The following MYO10 variants were observed in gnomAD, a reference collection of about 807,000 sequenced individuals.
MYO10 encodes the protein unconventional myosin-X.
A neutral mutation model predicts 257.3 loss-of-function variants in MYO10; 133 were observed. That is an observed-to-expected ratio of 0.52 (90% CI 0.45 to 0.60). The LOEUF is 0.60. Ranked by LOEUF, MYO10 falls within the 20% of genes least tolerant of loss-of-function variation. The probability of loss-of-function intolerance (pLI) is 0.00; values close to 1 mark genes in which losing one functional copy is unlikely to be tolerated. For synonymous variants in MYO10, 1,104 were observed against 1,028.6 expected (o/e 1.07, Z -1.40); for missense variants, 2,399 against 2,635.7 (o/e 0.91, Z 1.97).
chr5:16,832,758 C>T (rs1056290082), intron 2 of MYO10, among the ~76,000 whole-genome samples: 1 of 152,198 alleles, frequency 6.6e-6, no homozygotes, highest in African/African-American at 2.4e-5. Flanking sequence ...ATTCCTACGA[C>T]TCCAAAACAC....
Position 16,702,603 on chromosome 5 carries a change from G to A in MYO10, c.2511-15C>T. On this transcript the variant is annotated splice_polypyrimidine_tract_variant and intron_variant, in intron 23 of 40. Coordinates refer to ENST00000513610, the MANE Select transcript of MYO10 (RefSeq NM_012334.3). The stretch of plus-strand genomic sequence containing the variant: ...TCTCTCTTTCTCTAAAAATAGTAAA[G>A]GAAAAGTGAAAATCAACAACAATAA... 2 of 1,569,108 alleles carry A rather than the reference G, an allele frequency of 1.3e-6. No homozygotes were observed. Among genetic ancestry groups the A allele is most frequent in the East Asian group, 2.3e-5 (1 of 42,870 alleles).
chr5:16,724,809 A>T (rs1380342341), intron 19 of MYO10, among the ~76,000 whole-genome samples: 1 of 152,204 alleles, frequency 6.6e-6, no homozygotes, highest in Admixed American at 6.5e-5. Context: ...ACATACATAT[A>T]CAAAAAAGCA....
rs2126649614 is a variant in MYO10 at position 16,761,528 on chromosome 5, C to T, written c.1675G>A (p.Gly559Ser). The change falls in exon 17 of 41, where the codon GGT (glycine) becomes AGT (serine). Residue 559 changes from glycine (G) to serine (S), a missense_variant. Transcript: ENST00000513610. ...YAGEVQYDVRGILEKNRDTFR... is the reference protein window; with the variant it reads ...YAGEVQYDVRSILEKNRDTFR... ...GTATCTCTGTTCTTCTCCAAGATAC[C>T]TCGGACATCATATTGCACCTAGTTT... 1 of 1,612,462 alleles carries T rather than the reference C, an allele frequency of 6.2e-7. No individual in the cohort carries two copies. The highest frequency in any genetic ancestry group is 2.2e-5 in the East Asian group (1 of 44,794).
chr5:16,827,985 G>C (rs1368651314), intron 2 of MYO10, among the ~76,000 whole-genome samples: 1 of 152,218 alleles, frequency 6.6e-6, no homozygotes, highest in African/African-American at 2.4e-5. Flanking sequence ...ATGCGTGGTA[G>C]AGTCAGACCT....
At chr5:16,935,650 TGG>T in intron 1 of MYO10, 136 bp downstream of exon 1, 1 of 923,356 alleles carries the variant, frequency 1.1e-6, no homozygotes, top group Non-Finnish European at 1.7e-6. Context: ...CGCGGGGGGA[TGG>T]GGGGTGATTT....
At chr5:16,756,197 T>C (rs1157641877) in intron 18 of MYO10, among the ~76,000 whole-genome samples, 1 of 152,086 alleles carries the variant, frequency 6.6e-6, no homozygotes, top group Admixed American at 6.6e-5. Flanking sequence ...CTCAGCCTCC[T>C]GAGTAGCTGG....
In MYO10 at chr5:16,764,407, G is replaced by A. The variant is rs1395547815; in HGVS notation, c.1180-11C>T. The A allele has an allele frequency of 1.2e-6, 2 of 1,613,572 alleles. No individual in the cohort carries two copies. Among genetic ancestry groups the A allele is most frequent in the Non-Finnish European group, 1.7e-6 (2 of 1,179,734 alleles). On this transcript the variant is annotated splice_polypyrimidine_tract_variant and intron_variant, in intron 11 of 40. Transcript: ENST00000513610. Reference sequence around the variant, plus strand: ...CCTGCTGTCTACTGCCTGTGGGAGAGAAACCAGCACAGACTCAGCTGACCC... The same window carrying A: ...CCTGCTGTCTACTGCCTGTGGGAGAAAAACCAGCACAGACTCAGCTGACCC...
At chr5:16,851,619 T>C (rs562350594) in intron 2 of MYO10, among the ~76,000 whole-genome samples, 1 of 152,196 alleles carries the variant, frequency 6.6e-6, no homozygotes, top group Non-Finnish European at 1.5e-5. Flanking sequence ...CTTTTGAGGA[T>C]GAAGGATGTG....
At chr5:16,762,697 C>G (rs1014235237) in intron 14 of MYO10, 60 bp from the exon 15 acceptor site, 11 of 1,281,760 alleles carry the variant, frequency 8.6e-6, no homozygotes, top group Non-Finnish European at 1.2e-5. Flanking sequence ...GCATGGGTAG[C>G]TCATGCCTGT....
At chr5:16,812,725 C>T (rs991799426) in intron 3 of MYO10, among the ~76,000 whole-genome samples, 1 of 152,124 alleles carries the variant, frequency 6.6e-6, no homozygotes, top group Non-Finnish European at 1.5e-5. Flanking sequence ...GACAAAGGTA[C>T]AAAGGTTAAA....
chr5:16,713,393 G>A (rs1033324322), intron 19 of MYO10: 4 of 985,676 alleles, frequency 4.1e-6, no homozygotes, highest in Non-Finnish European at 4.8e-6. Flanking sequence ...AAATTCATAT[G>A]GAAAACAACT....
chr5:16,742,081 A>T (rs913410219), intron 19 of MYO10: 54 of 985,428 alleles, frequency 5.5e-5, no homozygotes, highest in Admixed American at 2.5e-4. Flanking sequence ...GCATCAACAA[A>T]TGTGTAATTA....
At position 16,670,782 on chromosome 5, in the gene MYO10, C is replaced by T. The variant is rs759179333; in HGVS notation, c.5627G>A (p.Arg1876Gln). The T allele has an allele frequency of 3.5e-5, 57 of 1,613,896 alleles. No homozygotes were observed. Among genetic ancestry groups the T allele is most frequent in the South Asian group, 6.6e-5 (6 of 91,086 alleles). ...QSTKTFTPCE[R>Q]LEKRRTSFLE... ...GAAGCTCGTCCGCCTCTTCTCCAGC[C>T]GTTCACAAGGGGTGAAGGTTTTGGT... Residue 1876 changes from arginine (R) to glutamine (Q), a missense_variant, in exon 39 of 41, where the codon CGG (arginine) becomes CAG (glutamine). Arg to Gln is a conservative substitution (Grantham distance 43, BLOSUM62 1). Coordinates refer to ENST00000513610, the MANE Select transcript of MYO10 (RefSeq NM_012334.3).
chr5:16,887,274 C>T (rs2560851), intron 1 of MYO10, among the ~76,000 whole-genome samples: 72,346 of 152,016 alleles, frequency 0.48, 17,653 homozygotes, highest in African/African-American at 0.57. Context: ...GAAAAGAAAG[C>T]GGTAAAAGGT....
intron 26 of MYO10, among the ~76,000 whole-genome samples, chr5:16,698,718 G>A (rs924966467): frequency 1.3e-4 from 18 of 141,312 alleles, no homozygotes; most frequent in Non-Finnish European, 7.4e-5. Flanking sequence ...CCGCCTCCTG[G>A]GTTCACGCCA....
intron 1 of MYO10, among the ~76,000 whole-genome samples, chr5:16,913,056 A>C (rs1191985600): frequency 1.3e-5 from 2 of 151,970 alleles, no homozygotes; most frequent in African/African-American, 2.4e-5. Context: ...AAAGGAGCTT[A>C]CATTTCTCTC....
chr5:16,913,868 G>A (rs1391436470), intron 1 of MYO10, among the ~76,000 whole-genome samples: 2 of 152,104 alleles, frequency 1.3e-5, no homozygotes, highest in East Asian at 1.9e-4. Context: ...ACAGTTGCTC[G>A]AGACAAAAAG....
At chr5:16,823,783 G>A (rs895749455) in intron 2 of MYO10, among the ~76,000 whole-genome samples, 1 of 149,814 alleles carries the variant, frequency 6.7e-6, no homozygotes, top group South Asian at 2.2e-4. Context: ...GGGGCGGGGG[G>A]CGGGGGGCGG....
At chr5:16,906,189 G>T (rs1745513225) in intron 1 of MYO10, among the ~76,000 whole-genome samples, 1 of 152,184 alleles carries the variant, frequency 6.6e-6, no homozygotes, top group African/African-American at 2.4e-5. Flanking sequence ...GCACCTGGTA[G>T]GTGCCAGGGG....
Sources: gnomAD v4.1 joint callset for allele counts (sites outside exome capture counted in the v4.1 genomes callset) on GRCh38, gnomAD v4.1.1 for gene constraint, MANE v1.5 for transcripts, NCBI Gene and HGNC (gene_info 2026-07-23, HGNC 2026-07-21) for gene names.